The following STK17B variants were observed in gnomAD, a reference collection of about 807,000 sequenced individuals.
STK17B encodes the protein serine/threonine kinase 17b.
In STK17B, 21 loss-of-function variants were observed where a neutral mutation model predicts 42.0. The ratio of observed to expected loss-of-function variants is 0.50; its 90% CI spans 0.35 to 0.72. The LOEUF (loss-of-function observed/expected upper bound fraction) is 0.72. Among genes scored for constraint, STK17B ranks in the 30% least tolerant of loss-of-function variants. The pLI, the probability that STK17B is intolerant of heterozygous loss-of-function variation, is 0.00. For missense variants in STK17B, 349 were observed against 446.0 expected, an observed-to-expected ratio of 0.78 and a Z score of 1.96; for synonymous variants, 143 against 148.4, an observed-to-expected ratio of 0.96 and a Z score of 0.26.
At chr2:196,152,584 C>T (rs1032261221) in intron 3 of STK17B, among the ~76,000 whole-genome samples, 1 of 152,260 alleles carries the variant, frequency 6.6e-6, no homozygotes, top group South Asian at 2.1e-4. Flanking sequence ...AAGCAAGATC[C>T]AACCATACAA....
chr2:196,141,489 T>C (rs1330495794), intron 5 of STK17B, among the ~76,000 whole-genome samples, 192 bp from the exon 6 acceptor site: 1 of 152,062 alleles, frequency 6.6e-6, no homozygotes, highest in Non-Finnish European at 1.5e-5. Flanking sequence ...TGAAACGCTG[T>C]CTCTACTAAA....
rs1699393008 is a variant in STK17B, at chr2:196,135,822, A to C, written c.*1625T>G. On this transcript the variant is annotated 3_prime_UTR_variant, in exon 8 of 8. Coordinates refer to ENST00000263955, the MANE Select transcript of STK17B (RefSeq NM_004226.4). Reference sequence around the variant, plus strand: ...AAAAGCTCCTTTGGCACCTGAGTTGAGCACAATATACCACAGCAAAGAATC... The same window carrying C: ...AAAAGCTCCTTTGGCACCTGAGTTGCGCACAATATACCACAGCAAAGAATC... 1 of 145,280 alleles carries C rather than the reference A, an allele frequency of 6.9e-6. No homozygotes were observed. The highest frequency in any genetic ancestry group is 2.3e-4 in the South Asian group (1 of 4,334). The allele number at this position is 145,280 out of a possible 1,614,324, so 9.0% of individuals were successfully genotyped here. A position where few individuals can be genotyped will look rare whatever the true frequency, so the allele number is the denominator to read the frequency against.
At chr2:196,141,175 G>T in intron 6 of STK17B, 74 bp downstream of exon 6, 2 of 1,063,242 alleles carry the variant, frequency 1.9e-6, no homozygotes, top group Non-Finnish European at 2.8e-6. Flanking sequence ...TATTACTCTT[G>T]GAGTCAAAGA....
chr2:196,167,429 C>A (rs181330869), intron 1 of STK17B, among the ~76,000 whole-genome samples: 26 of 152,264 alleles, frequency 1.7e-4, no homozygotes, highest in Admixed American at 1.0e-3. Flanking sequence ...CTCATGTCTT[C>A]GAGGGGTTAG....
upstream of STK17B, among the ~76,000 whole-genome samples, chr2:196,172,768 T>C (rs908945114): frequency 1.3e-5 from 2 of 152,234 alleles, no homozygotes; most frequent in African/African-American, 4.8e-5. Flanking sequence ...TCCATCTATC[T>C]AATTTCTTGT....
chr2:196,142,183 C>T (rs1265190878), intron 5 of STK17B, among the ~76,000 whole-genome samples: 1 of 152,102 alleles, frequency 6.6e-6, no homozygotes, highest in Non-Finnish European at 1.5e-5. Flanking sequence ...CTCAGCCTCC[C>T]AAGTAGGTGG....
chr2:196,137,854 T>C (rs927772296), intron 7 of STK17B, 125 bp from the exon 8 acceptor site: 136 of 1,057,658 alleles, frequency 1.3e-4, no homozygotes, highest in Non-Finnish European at 6.8e-5. Flanking sequence ...TAGTATAAAA[T>C]CCAAACAGTA....
chr2:196,153,738 AG>A (rs1473512151), intron 3 of STK17B: 1 of 152,180 alleles, frequency 6.6e-6, no homozygotes, highest in East Asian at 1.9e-4. Flanking sequence ...AAAAGGACAT[AG>A]GAAGTAGCTT....
chr2:196,175,990 C>G (rs1211721537), upstream of STK17B, among the ~76,000 whole-genome samples: 1 of 152,172 alleles, frequency 6.6e-6, no homozygotes, highest in Admixed American at 6.5e-5. Flanking sequence ...TAATTTAGGT[C>G]TCCTGACTCT....
intron 3 of STK17B, among the ~76,000 whole-genome samples, chr2:196,150,288 T>C (rs1699648443): frequency 6.6e-6 from 1 of 151,970 alleles, no homozygotes; most frequent in Admixed American, 6.6e-5. Flanking sequence ...TCAGGTGACT[T>C]CTGCTCTTTC....
intron 2 of STK17B, among the ~76,000 whole-genome samples, chr2:196,160,499 TA>T (rs764713183): frequency 8.9e-4 from 136 of 152,264 alleles, no homozygotes; most frequent in Non-Finnish European, 1.1e-3. Flanking sequence ...CACTCTGAAA[TA>T]AAAAAGTTGA....
chr2:196,162,546 A>G (rs1451764512), intron 2 of STK17B, among the ~76,000 whole-genome samples: 1 of 152,080 alleles, frequency 6.6e-6, no homozygotes, highest in Non-Finnish European at 1.5e-5. Context: ...TAACAACCAT[A>G]TAAGACAGAC....
At chr2:196,176,239 T>A (rs948817764), upstream of STK17B, 10 of 152,230 alleles carry the variant, frequency 6.6e-5, no homozygotes, top group Admixed American at 6.5e-4. Context: ...AATGCATCAC[T>A]GCTTCCTCTC....
chr2:196,138,629 G>C (rs1236655815), intron 7 of STK17B, among the ~76,000 whole-genome samples: 1 of 151,444 alleles, frequency 6.6e-6, no homozygotes, highest in Non-Finnish European at 1.5e-5. Context: ...AGGCTGGAGT[G>C]CAGTGGTGCG....
chr2:196,137,081 C>T lies in STK17B; in HGVS notation c.*366G>A. 5.3e-6 allele frequency: 1 copy of T among 187,526 alleles called. No homozygotes were observed. The highest frequency in any genetic ancestry group is 1.1e-5 in the Non-Finnish European group (1 of 90,458). 11.6% of individuals were successfully genotyped at this position (187,526 alleles called of 1,614,324 possible). ...CTTAGAGAGAGAACCTATTAAATTC[C>T]AATGTCTTCACTGTGTTCAGTTTAC... On this transcript the variant is annotated 3_prime_UTR_variant, in exon 8 of 8. Transcript: ENST00000263955.
At chr2:196,156,762 G>A (rs1319539701) in intron 2 of STK17B, 111 bp from the exon 3 acceptor site, 1 of 814,266 alleles carries the variant, frequency 1.2e-6, no homozygotes, top group Non-Finnish European at 1.9e-6. Flanking sequence ...AAATATCTGT[G>A]TCATTAGGAA....
At chr2:196,175,614 C>T (rs144214080), upstream of STK17B, among the ~76,000 whole-genome samples, 326 of 152,162 alleles carry the variant, frequency 2.1e-3, 1 homozygote, top group African/African-American at 7.6e-3. Flanking sequence ...GGCGACAAAG[C>T]GAGACTCTGT....
chr2:196,163,034 A>G (rs2105710077), intron 2 of STK17B, among the ~76,000 whole-genome samples: 1 of 152,296 alleles, frequency 6.6e-6, no homozygotes, highest in Non-Finnish European at 1.5e-5. Context: ...GAGACCTCCT[A>G]TCAGAGGCTC....
At chr2:196,153,214 A>G (rs1487365895) in intron 3 of STK17B, 2 of 138,780 alleles carry the variant, frequency 1.4e-5, no homozygotes, top group Non-Finnish European at 3.1e-5. Flanking sequence ...CTCTAACTAG[A>G]TACCCTTAAT....
Sources: allele counts gnomAD v4.1 joint callset (sites outside exome capture counted in the v4.1 genomes callset), GRCh38; gene constraint gnomAD v4.1.1; transcripts MANE v1.5; gene names NCBI Gene and HGNC (gene_info 2026-07-23, HGNC 2026-07-21).